RORA: variants seen among roughly 807,000 people sequenced by gnomAD.
RORA encodes nuclear receptor ROR-alpha.
A neutral mutation model predicts 69.5 loss-of-function variants in RORA; 7 were observed. That is an observed-to-expected ratio of 0.10 (90% CI 0.06 to 0.19). RORA has a LOEUF of 0.19. Ranked by LOEUF, RORA falls within the 10% of genes least tolerant of loss-of-function variation. RORA has a pLI of 1.00. For synonymous variants in RORA, 261 were observed against 240.8 expected, an observed-to-expected ratio of 1.08 and a Z score of -0.78; for missense variants, 457 against 663.0, an observed-to-expected ratio of 0.69 and a Z score of 3.41.
At chr15:60,837,802 A>C (rs975682965) in intron 1 of RORA, among the ~76,000 whole-genome samples, 1 of 151,632 alleles carries the variant, frequency 6.6e-6, no homozygotes, top group Non-Finnish European at 1.5e-5. Flanking sequence ...GGTTGCCAGA[A>C]AAAAAAAACA....
At chr15:60,814,223 C>A (rs1036014245) in intron 1 of RORA, among the ~76,000 whole-genome samples, 2 of 152,150 alleles carry the variant, frequency 1.3e-5, no homozygotes, top group African/African-American at 2.4e-5. Context: ...CTCAGACCAA[C>A]CTTGGCTCCT....
At chr15:60,845,041 G>GTA (rs1319293932) in intron 1 of RORA, among the ~76,000 whole-genome samples, 1 of 152,002 alleles carries the variant, frequency 6.6e-6, no homozygotes, top group Non-Finnish European at 1.5e-5. Flanking sequence ...GTGTGAGTGT[G>GTA]TGTGTGTGTG....
At chr15:60,635,976 T>A (rs2069831048) in intron 2 of RORA, among the ~76,000 whole-genome samples, 1 of 152,196 alleles carries the variant, frequency 6.6e-6, no homozygotes. Context: ...TCTGTGGTTG[T>A]GGTGGTAGCA....
intron 1 of RORA, among the ~76,000 whole-genome samples, chr15:61,016,827 G>T (rs746657241): frequency 5.3e-5 from 8 of 152,104 alleles, no homozygotes; most frequent in Non-Finnish European, 1.2e-4. Context: ...TGGTGGAGTA[G>T]TCCCCCTGGT....
intron 1 of RORA, among the ~76,000 whole-genome samples, chr15:60,868,404 C>T (rs147790947): frequency 5.9e-5 from 9 of 152,232 alleles, no homozygotes; most frequent in East Asian, 3.9e-4. Flanking sequence ...AGCACAGGGA[C>T]GCACATTTGA....
At chr15:60,807,841 A>C (rs2072680845) in intron 1 of RORA, among the ~76,000 whole-genome samples, 1 of 152,244 alleles carries the variant, frequency 6.6e-6, no homozygotes, top group African/African-American at 2.4e-5. Flanking sequence ...CACCCTGTTC[A>C]ACAAATGGTG....
chr15:61,023,402 T>A (rs1895644147), intron 1 of RORA, among the ~76,000 whole-genome samples: 1 of 152,086 alleles, frequency 6.6e-6, no homozygotes, highest in South Asian at 2.1e-4. Flanking sequence ...AAGCAGAAAG[T>A]CCTGATAAAC....
chr15:60,983,674 A>G (rs891009568), intron 1 of RORA, among the ~76,000 whole-genome samples: 1 of 152,188 alleles, frequency 6.6e-6, no homozygotes, highest in South Asian at 2.1e-4. Flanking sequence ...CTTTCAACCA[A>G]TTGCCAGTCA....
At chr15:60,875,523 A>C (rs1040965309) in intron 1 of RORA, among the ~76,000 whole-genome samples, 5 of 152,140 alleles carry the variant, frequency 3.3e-5, no homozygotes, top group Non-Finnish European at 7.4e-5. Context: ...CATGTGATCC[A>C]TGAGTAATAA....
At chr15:60,704,968 T>G (rs2071039363) in intron 1 of RORA, among the ~76,000 whole-genome samples, 1 of 152,224 alleles carries the variant, frequency 6.6e-6, no homozygotes, top group Non-Finnish European at 1.5e-5. Context: ...TGGCATGAGC[T>G]TCCACGTGTG....
chr15:60,987,212 T>C (rs1452153726), intron 1 of RORA, among the ~76,000 whole-genome samples: 1 of 152,206 alleles, frequency 6.6e-6, no homozygotes, highest in East Asian at 1.9e-4. Context: ...CCATGCCACA[T>C]GGATGGTGTC....
At chr15:60,556,962 CAAAGA>C (rs2067381181) in intron 2 of RORA, 1 of 1,553,902 alleles carries the variant, frequency 6.4e-7, no homozygotes, top group Non-Finnish European at 8.9e-7. Flanking sequence ...TGATAAAGGA[CAAAGA>C]AAAGATTTAT....
chr15:61,067,652 A>G (rs2078282506), intron 1 of RORA, among the ~76,000 whole-genome samples: 1 of 152,234 alleles, frequency 6.6e-6, no homozygotes, highest in Admixed American at 6.5e-5. Flanking sequence ...CCAAGACCAG[A>G]CAAATAAATG....
chr15:61,137,099 G>GAA (rs1379240849), intron 1 of RORA, among the ~76,000 whole-genome samples: 3 of 144,948 alleles, frequency 2.1e-5, no homozygotes, highest in African/African-American at 5.1e-5. Context: ...AAGAAAGAAA[G>GAA]AAAAAAGCAA....
chr15:60,560,560 C>T (rs2067506123), intron 2 of RORA, among the ~76,000 whole-genome samples: 1 of 152,132 alleles, frequency 6.6e-6, no homozygotes, highest in African/African-American at 2.4e-5. Flanking sequence ...GTGGTGGTGC[C>T]AGTCTGTGCC....
chr15:60,593,755 G>A (rs1371522778), intron 2 of RORA, among the ~76,000 whole-genome samples: 3 of 152,110 alleles, frequency 2.0e-5, no homozygotes, highest in African/African-American at 7.2e-5. Context: ...CTGTTGCCAC[G>A]CACAACTTAA....
chr15:60,843,286 A>G (rs1277859794), intron 1 of RORA, among the ~76,000 whole-genome samples: 2 of 152,188 alleles, frequency 1.3e-5, no homozygotes, highest in Middle Eastern at 3.2e-3. Context: ...CCTAAAAATT[A>G]AAGAGTCAAG....
At chr15:60,571,436 C>A (rs922942022) in intron 2 of RORA, among the ~76,000 whole-genome samples, 8 of 152,144 alleles carry the variant, frequency 5.3e-5, no homozygotes, top group Non-Finnish European at 8.8e-5. Context: ...TGTGAAAACA[C>A]AAATAATTGT....
chr15:60,575,586 T>C (rs1019943890), intron 2 of RORA, among the ~76,000 whole-genome samples: 6 of 152,222 alleles, frequency 3.9e-5, no homozygotes, highest in African/African-American at 1.2e-4. Context: ...AAGCTTTTTA[T>C]TGAAGTGCAA....
Sources: gnomAD v4.1 joint callset for allele counts (sites outside exome capture counted in the v4.1 genomes callset) on GRCh38, gnomAD v4.1.1 for gene constraint, MANE v1.5 for transcripts, NCBI Gene and HGNC (gene_info 2026-07-23, HGNC 2026-07-21) for gene names.